The following CHAF1A variants were observed in gnomAD, a reference collection of about 807,000 sequenced individuals.
CHAF1A encodes chromatin assembly factor 1 subunit A.
A neutral mutation model predicts 93.2 loss-of-function variants in CHAF1A; 5 were observed. The ratio of observed to expected loss-of-function variants is 0.05; its 90% CI spans 0.03 to 0.11. The LOEUF is 0.11. CHAF1A is among the 10% of genes least tolerant of loss of function. CHAF1A has a pLI of 1.00. For missense variants in CHAF1A, 1,102 were observed against 1,259.9 expected (o/e 0.87, Z 1.90); for synonymous variants, 504 against 510.3 (o/e 0.99, Z 0.17).
intron 13 of CHAF1A, among the ~76,000 whole-genome samples, chr19:4,434,142 T>C (rs1027250054): frequency 1.3e-5 from 2 of 150,502 alleles, no homozygotes; most frequent in African/African-American, 4.9e-5. Flanking sequence ...AGCCCGGGAG[T>C]TGGAGACCAG....
chr19:4,403,393 GCCT>G (rs1973622563), intron 1 of CHAF1A, among the ~76,000 whole-genome samples: 1 of 152,228 alleles, frequency 6.6e-6, no homozygotes. Flanking sequence ...CCCACCACAG[GCCT>G]CCTGAAACGT....
At chr19:4,443,750 T>G (rs376385364), downstream of CHAF1A, among the ~76,000 whole-genome samples, 6 of 152,092 alleles carry the variant, frequency 3.9e-5, no homozygotes, top group African/African-American at 1.4e-4. Flanking sequence ...GGTGCATCTT[T>G]TGCGAGTGCT....
chr19:4,419,800 G>A (rs546451678), intron 4 of CHAF1A, among the ~76,000 whole-genome samples: 10 of 152,278 alleles, frequency 6.6e-5, no homozygotes, highest in African/African-American at 1.4e-4. Context: ...TGGAACCTCC[G>A]AGTCCCGCAC....
chr19:4,437,252 C>T (rs1974301938), intron 13 of CHAF1A, among the ~76,000 whole-genome samples: 2 of 152,146 alleles, frequency 1.3e-5, no homozygotes. Context: ...GGGTCTGGTC[C>T]TGTGTTTTTT....
chr19:4,438,528 T>C (rs928566329), intron 13 of CHAF1A, among the ~76,000 whole-genome samples: 6 of 152,028 alleles, frequency 3.9e-5, no homozygotes, highest in African/African-American at 9.7e-5. Context: ...AAAAGAGATA[T>C]TCTTAAGGCA....
At chr19:4,417,966 T>C (rs1244980204) in intron 3 of CHAF1A, 54 bp from the exon 4 acceptor site, 28 of 1,320,604 alleles carry the variant, frequency 2.1e-5, no homozygotes, top group Non-Finnish European at 3.0e-5. Context: ...TTTCTCTTTT[T>C]CTCGAAGCAA....
At chr19:4,430,277 A>T in intron 10 of CHAF1A, 1 of 393,182 alleles carries the variant, frequency 2.5e-6, no homozygotes, top group Non-Finnish European at 4.8e-6. Flanking sequence ...TCCCAGGCTC[A>T]AGTGATAGTC....
intron 14 of CHAF1A, 77 bp downstream of exon 14, chr19:4,442,418 G>A (rs1226986913): frequency 3.2e-6 from 4 of 1,237,030 alleles, no homozygotes; most frequent in Admixed American, 2.0e-5. Context: ...AAGGGATGGG[G>A]CTGCCTAAGA....
chr19:4,408,834 A>G (rs1047745775), intron 2 of CHAF1A, 69 bp from the exon 3 acceptor site: 52 of 1,521,298 alleles, frequency 3.4e-5, no homozygotes, highest in Non-Finnish European at 4.5e-5. Context: ...ACAAATCAGT[A>G]ATTTTCAAGC....
intron 2 of CHAF1A, among the ~76,000 whole-genome samples, chr19:4,407,200 A>G (rs1973695969): frequency 6.6e-6 from 1 of 151,878 alleles, no homozygotes; most frequent in South Asian, 2.1e-4. Context: ...GCCTGGTGAC[A>G]GAGCAAGACT....
chr19:4,445,834 G>T, downstream of CHAF1A: 2 of 1,037,152 alleles, frequency 1.9e-6, no homozygotes, highest in Non-Finnish European at 2.7e-6. Context: ...GCACGTCACC[G>T]CTCCCATTTG....
Position 4,408,890 on chromosome 19 carries a change from G to A in CHAF1A, c.104-13G>A. The A allele has an allele frequency of 3.8e-6, 6 of 1,586,772 alleles. No homozygotes were observed. Among genetic ancestry groups the A allele is most frequent in the Non-Finnish European group, 4.3e-6 (5 of 1,170,292 alleles). On this transcript the variant is annotated splice_polypyrimidine_tract_variant and intron_variant, in intron 2 of 14. Transcript: ENST00000301280. ...AAACGTTCACTAGAGATGGCTTTCTGTCTTTGTTTCAGCCCGTCTGCCGTT... is the reference window on the plus strand; with the variant it reads ...AAACGTTCACTAGAGATGGCTTTCTATCTTTGTTTCAGCCCGTCTGCCGTT...
downstream of CHAF1A, chr19:4,446,875 T>C: frequency 6.2e-7 from 1 of 1,614,036 alleles, no homozygotes; most frequent in Non-Finnish European, 8.5e-7. Context: ...TGGAACCCAA[T>C]GGCCTCAAAA....
At chr19:4,429,077 T>C in intron 8 of CHAF1A, 187 bp downstream of exon 8, 1 of 601,088 alleles carries the variant, frequency 1.7e-6, no homozygotes, top group Non-Finnish European at 2.9e-6. Context: ...TCCTGAAGTC[T>C]TCCTCTCCCT....
chr19:4,442,003 T>TGCAGTTGGCA (rs1974399405), intron 13 of CHAF1A, among the ~76,000 whole-genome samples: 5 of 152,266 alleles, frequency 3.3e-5, no homozygotes, highest in African/African-American at 1.2e-4. Context: ...CAATGATGGC[T>TGCAGTTGGCA]GTTTTTGGAG....
rs538184232 is a variant in CHAF1A at position 4,409,799 on chromosome 19, C to T, written c.960+40C>T. The T allele has an allele frequency of 1.9e-5, 30 of 1,556,182 alleles. 1 individual carries two copies. The highest frequency in any genetic ancestry group is 1.1e-4 in the South Asian group (9 of 83,276). On this transcript the variant is annotated intron_variant, in intron 3 of 14. Transcript: ENST00000301280. Reference sequence around the variant, plus strand: ...TGGAGTCCCTGCACATCAGTGCTCACGGATCTCAGAGCGCTGTCAGTCTCC... The same window carrying T: ...TGGAGTCCCTGCACATCAGTGCTCATGGATCTCAGAGCGCTGTCAGTCTCC...
chr19:4,443,109 G>T lies in CHAF1A; in HGVS notation c.*84G>T. 1 of 915,766 alleles carries T rather than the reference G, an allele frequency of 1.1e-6. No homozygotes were observed. The highest frequency in any genetic ancestry group is 1.8e-6 in the Non-Finnish European group (1 of 566,316). 56.7% of individuals were successfully genotyped at this position (915,766 alleles called of 1,614,324 possible). A position where few individuals can be genotyped will look rare whatever the true frequency, so the allele number is the denominator to read the frequency against. On this transcript the variant is annotated 3_prime_UTR_variant, in exon 15 of 15. Coordinates refer to ENST00000301280, the MANE Select transcript of CHAF1A (RefSeq NM_005483.3). ...AACCGACTCAATTCCTGTGTAAAGA[G>T]CACTTTGTCCTGCTTCACGGACCTC...
rs113615056 is a variant in CHAF1A, at chr19:4,442,700, G to A, written c.2771-225G>A. ...AGGCCCTGCAGCAGGCTGCGTGGGAGGAGTGTGCCCGGGTGGTGGGGGGCA... is the reference window on the plus strand; with the variant it reads ...AGGCCCTGCAGCAGGCTGCGTGGGAAGAGTGTGCCCGGGTGGTGGGGGGCA... On this transcript the variant is annotated intron_variant, in intron 14 of 14. Transcript: ENST00000301280. 9.9e-3 allele frequency among the ~76,000 whole-genome samples: 1,508 copies of A among 152,360 alleles called. 11 individuals carry two copies. Among genetic ancestry groups the A allele is most frequent in the Middle Eastern group, 0.031 (9 of 294 alleles).
intron 13 of CHAF1A, among the ~76,000 whole-genome samples, chr19:4,434,560 C>T (rs1357357306): frequency 6.6e-6 from 1 of 152,144 alleles, no homozygotes; most frequent in Non-Finnish European, 1.5e-5. Context: ...CGTGGATCAG[C>T]CTTTTCCAGA....
Sources: allele counts gnomAD v4.1 joint callset (sites outside exome capture counted in the v4.1 genomes callset), GRCh38; gene constraint gnomAD v4.1.1; transcripts MANE v1.5; gene names NCBI Gene and HGNC (gene_info 2026-07-23, HGNC 2026-07-21).